The following INTS4 variants were observed in gnomAD, a reference collection of about 807,000 sequenced individuals.
INTS4 encodes MSTP093.
Under a neutral mutation model 119.5 loss-of-function variants are expected in INTS4, and 70 were observed. The ratio of observed to expected loss-of-function variants is 0.59; its 90% confidence interval spans 0.48 to 0.71. INTS4 has a LOEUF of 0.71. Ranked by LOEUF, INTS4 falls within the 30% of genes least tolerant of loss-of-function variation. The pLI, the probability that INTS4 is intolerant of heterozygous loss-of-function variation, is 0.00. For missense variants in INTS4, 867 were observed against 1,173.2 expected (o/e 0.74, Z 3.81); for synonymous variants, 316 against 419.6 (o/e 0.75, Z 3.02).
rs115827540 is a variant in INTS4, at chr11:77,979,432, G to A, written c.365-330C>T. Among the ~76,000 whole-genome samples, 838 of 151,908 alleles carry A rather than the reference G, an allele frequency of 5.5e-3. 10 individuals carry two copies. Among genetic ancestry groups the A allele is most frequent in the African/African-American group, 0.019 (801 of 41,380 alleles). On this transcript the variant is annotated intron_variant, in intron 3 of 22. Coordinates refer to ENST00000534064, the MANE Select transcript of INTS4 (RefSeq NM_033547.4). ...CAAGGCAGCAGTGAGCCGTAATCGC[G>A]CCACAGCACTCCAGCCTGGGCAACA... is the stretch of plus-strand genomic sequence containing the variant.
intron 11 of INTS4, among the ~76,000 whole-genome samples, chr11:77,926,053 C>G (rs1953490090): frequency 6.6e-6 from 1 of 152,198 alleles, no homozygotes; most frequent in South Asian, 2.1e-4. Context: ...GTTTACTCCA[C>G]CTCTCTTTAG....
intron 10 of INTS4, among the ~76,000 whole-genome samples, chr11:77,934,053 A>AT (rs56281484): frequency 1 from 152,111 of 152,118 alleles, 76,052 homozygotes; most frequent in Middle Eastern, 1. Context: ...ACTAAGAAAA[A>AT]TCTTCTGCCT....
At chr11:77,885,147 G>A (rs922601009) in intron 21 of INTS4, among the ~76,000 whole-genome samples, 2 of 151,064 alleles carry the variant, frequency 1.3e-5, no homozygotes, top group Non-Finnish European at 3.0e-5. Context: ...GCATGATCTC[G>A]GCTCACTGCA....
At chr11:77,955,793 C>A (rs1427327910) in intron 8 of INTS4, 149 bp downstream of exon 8, 64 of 683,100 alleles carry the variant, frequency 9.4e-5, no homozygotes, top group Non-Finnish European at 1.0e-5. Context: ...CGCACCCAGC[C>A]TATAATCCCA....
At chr11:77,880,371 G>A (rs56147880) in intron 22 of INTS4, among the ~76,000 whole-genome samples, 3,135 of 152,234 alleles carry the variant, frequency 0.021, 96 homozygotes, top group African/African-American at 0.071. Flanking sequence ...CCCAAGGCCA[G>A]AGCAATCCAG....
At chr11:77,922,285 G>A in intron 13 of INTS4, 71 bp downstream of exon 13, 1 of 1,546,568 alleles carries the variant, frequency 6.5e-7, no homozygotes, top group Non-Finnish European at 8.7e-7. Flanking sequence ...GACTACCCTA[G>A]CTATACTGCA....
intron 18 of INTS4, among the ~76,000 whole-genome samples, chr11:77,898,748 G>A (rs1166432565): frequency 2.0e-5 from 3 of 152,120 alleles, no homozygotes; most frequent in South Asian, 2.1e-4. Context: ...AGCCAGGCAC[G>A]GTAGCTCACG....
chr11:77,949,691 G>A (rs1386971757), intron 8 of INTS4, among the ~76,000 whole-genome samples: 1 of 152,174 alleles, frequency 6.6e-6, no homozygotes, highest in Non-Finnish European at 1.5e-5. Context: ...CAGTTAGAAT[G>A]GCAATCATTA....
At chr11:77,894,233 G>A in intron 19 of INTS4, 57 bp downstream of exon 19, 1 of 867,364 alleles carries the variant, frequency 1.2e-6, no homozygotes, top group Non-Finnish European at 1.9e-6. Context: ...TTGCCTGCAA[G>A]TGCTATACTC....
intron 15 of INTS4, chr11:77,911,232 G>C: frequency 2.9e-6 from 3 of 1,018,156 alleles, no homozygotes; most frequent in South Asian, 2.3e-5. Context: ...TTATTCGTTT[G>C]GGTTGCTTGA....
chr11:77,994,472 C>A, intron 1 of INTS4, 118 bp downstream of exon 1: 1 of 784,880 alleles, frequency 1.3e-6, no homozygotes, highest in Non-Finnish European at 2.2e-6. Context: ...CAGAGATTAT[C>A]AACAAGTCAG....
At chr11:77,879,353 A>T (rs1252307562) in intron 22 of INTS4, among the ~76,000 whole-genome samples, 1 of 152,206 alleles carries the variant, frequency 6.6e-6, no homozygotes, top group Non-Finnish European at 1.5e-5. Flanking sequence ...AAAGCTGCTG[A>T]GGCAACTGGA....
rs1460756539 is a variant in INTS4, at chr11:77,979,046, G to T, written c.421C>A (p.Leu141Ile). 6.2e-7 allele frequency: 1 copy of T among 1,613,182 alleles called. No homozygotes were observed. The highest frequency in any genetic ancestry group is 1.1e-5 in the South Asian group (1 of 91,056). ...ATTTGGATAGCTTGATTCTCTGGTA[G>T]CTTAGTGCCAATTGCAAGCAAAGTA... is the stretch of plus-strand genomic sequence containing the variant. ...LDTLLAIGTK[L>I]PENQAIQMRL... Residue 141 changes from leucine (L) to isoleucine (I), a missense_variant, in exon 4 of 23, where the codon CTA becomes ATA. Physicochemically the swap from Leu to Ile is conservative, Grantham distance 5. Around this residue, in one of 5 missense-constraint regions of INTS4, gnomAD observed 224 missense variants for 231.8 expected, o/e 0.97. Transcript: ENST00000534064.
At position 77,966,654 on chromosome 11, in the gene INTS4, T is replaced by C. The variant is rs191820599; in HGVS notation, c.472-5516A>G. 2.4e-4 allele frequency among the ~76,000 whole-genome samples: 37 copies of C among 152,324 alleles called. No homozygotes were observed. In the East Asian group the frequency reaches 6.2e-3, roughly 25 times the overall value. On this transcript the variant is annotated intron_variant, in intron 4 of 22. Transcript: ENST00000534064. The stretch of plus-strand genomic sequence containing the variant: ...TCTATCCTGTTCCTTTAGTACTGTT[T>C]TTATGCCAGTACCATGTTGTTTTGA...
intron 4 of INTS4, among the ~76,000 whole-genome samples, chr11:77,977,210 T>G (rs1419940837): frequency 6.6e-6 from 1 of 152,166 alleles, no homozygotes. Context: ...GAAAATATTT[T>G]AGACTAACAA....
At chr11:77,907,454 C>G (rs1952984162) in intron 16 of INTS4, among the ~76,000 whole-genome samples, 1 of 152,096 alleles carries the variant, frequency 6.6e-6, no homozygotes, top group Non-Finnish European at 1.5e-5. Context: ...CATTTACAAC[C>G]TTGGGATTCT....
At chr11:77,940,394 G>T (rs536162157) in intron 9 of INTS4, among the ~76,000 whole-genome samples, 1 of 152,232 alleles carries the variant, frequency 6.6e-6, no homozygotes, top group South Asian at 2.1e-4. Context: ...TTGTGCCACT[G>T]CATTTCAGCC....
At chr11:77,891,503 C>T in intron 20 of INTS4, 41 bp from the exon 21 acceptor site, 1 of 1,609,306 alleles carries the variant, frequency 6.2e-7, no homozygotes, top group Non-Finnish European at 8.5e-7. Context: ...AAAGCCAGGT[C>T]ATTCCTGGAT....
intron 4 of INTS4, among the ~76,000 whole-genome samples, chr11:77,967,495 C>T (rs11237338): frequency 0.19 from 29,175 of 152,126 alleles, 2,853 homozygotes; most frequent in Middle Eastern, 0.23. Flanking sequence ...GCAGCCCTTA[C>T]AGAGGTATAT....
Sources: allele counts gnomAD v4.1 joint callset (sites outside exome capture counted in the v4.1 genomes callset), GRCh38; gene constraint gnomAD v4.1.1; regional missense constraint gnomAD v4.1.1; transcripts MANE v1.5; gene names NCBI Gene and HGNC (gene_info 2026-07-23, HGNC 2026-07-21).